Variants in MMACHC observed in about 807,000 individuals in gnomAD.
The protein encoded by MMACHC is metabolism of cobalamin associated C.
MMACHC carries 14 observed loss-of-function variants against 17.6 expected under a neutral mutation model. That is an observed-to-expected ratio of 0.80 (90% CI 0.53 to 1.25). The LOEUF is 1.25. Among genes scored for constraint, MMACHC ranks in the 50% most tolerant of loss-of-function variants. MMACHC has a pLI of 0.00. For missense variants in MMACHC, 392 were observed against 364.5 expected (o/e 1.08, Z -0.62); for synonymous variants, 151 against 142.1 (o/e 1.06, Z -0.45).
chr1:45,508,899 A>G lies in MMACHC; in HGVS notation c.533A>G (p.Lys178Arg). 1 of 1,614,130 alleles carries G rather than the reference A, an allele frequency of 6.2e-7. No individual in the cohort carries two copies. The highest frequency in any genetic ancestry group is 8.5e-7 in the Non-Finnish European group (1 of 1,180,024). ...GIEVPDLPPR[K>R]PHDCVPTRAD... The stretch of plus-strand genomic sequence containing the variant: ...GAGGTGCCAGATCTGCCACCCAGAA[A>G]ACCTCATGACTGTGTACCTACAAGA... Residue 178 changes from lysine (K) to arginine (R), a missense_variant, in exon 4 of 4, where the codon AAA becomes AGA. Transcript: ENST00000401061.
chr1:45,509,112 A>ACCT lies in MMACHC; in HGVS notation c.747_749dup (p.Leu250dup), dbSNP rs1203674426. The ACCT allele has an allele frequency of 6.2e-7, 1 of 1,612,032 alleles. No individual in the cohort carries two copies. Among genetic ancestry groups the ACCT allele is most frequent in the African/African-American group, 1.3e-5 (1 of 74,676 alleles). On this transcript the variant is annotated inframe_insertion, in exon 4 of 4. Coordinates refer to ENST00000401061, the MANE Select transcript of MMACHC (RefSeq NM_015506.3). ...GAGAAGCCTAGTTCTCCCTCCCCGG[A>ACCT]CCTTCCCTTTACCACACCCGCCCCC...
At chr1:45,504,580 C>G (rs1643588991) in intron 1 of MMACHC, among the ~76,000 whole-genome samples, 2 of 152,084 alleles carry the variant, frequency 1.3e-5, no homozygotes. Flanking sequence ...AATTAGCCAG[C>G]CAGGTGTGGT....
rs1371098932 is a variant in MMACHC at position 45,511,749 on chromosome 1, G to A, written c.*2534G>A. The A allele has an allele frequency of 5.5e-6, 1 of 183,378 alleles. No homozygotes were observed. The highest frequency in any genetic ancestry group is 2.4e-5 in the African/African-American group (1 of 42,474). 11.4% of individuals were successfully genotyped at this position (183,378 alleles called of 1,614,324 possible). On this transcript the variant is annotated 3_prime_UTR_variant, in exon 4 of 4. Coordinates refer to ENST00000401061, the MANE Select transcript of MMACHC (RefSeq NM_015506.3). ...AAATAAACGACACACATAGGACTAT[G>A]TAAACCCTTAACACTAAACTGTTTC...
intron 1 of MMACHC, 67 bp downstream of exon 1, chr1:45,500,480 GC>G (rs1218843115): frequency 7.5e-6 from 11 of 1,459,390 alleles, no homozygotes; most frequent in Non-Finnish European, 1.1e-5. Context: ...CTGGCGTGAG[GC>G]CTCGGGAGCC....
chr1:45,502,155 C>A (rs1311115186), intron 1 of MMACHC, among the ~76,000 whole-genome samples: 1 of 152,180 alleles, frequency 6.6e-6, no homozygotes, highest in Non-Finnish European at 1.5e-5. Context: ...TCTCTCCAGC[C>A]TTCTCTCCCT....
chr1:45,500,677 C>T (rs892416830), intron 1 of MMACHC, among the ~76,000 whole-genome samples: 1 of 152,014 alleles, frequency 6.6e-6, no homozygotes, highest in African/African-American at 2.4e-5. Context: ...CCAGCCTGGC[C>T]AACATGGTGA....
rs368225422 is a variant in MMACHC, at chr1:45,508,902, C to G, written c.536C>G (p.Pro179Arg). The G allele has an allele frequency of 2.5e-6, 4 of 1,614,210 alleles. No homozygotes were observed. The highest frequency in any genetic ancestry group is 3.4e-6 in the Non-Finnish European group (4 of 1,180,046). The stretch of plus-strand genomic sequence containing the variant: ...GTGCCAGATCTGCCACCCAGAAAAC[C>G]TCATGACTGTGTACCTACAAGAGCT... ...IEVPDLPPRK[P>R]HDCVPTRADR... is the part of the protein sequence containing the mutation. The change falls in exon 4 of 4, where the codon CCT (proline) becomes CGT (arginine). Residue 179 changes from proline to arginine, a missense_variant. By Grantham distance (103) the Pro-to-Arg change is moderately radical. Transcript: ENST00000401061.
At chr1:45,506,470 T>C (rs1049265044) in intron 1 of MMACHC, among the ~76,000 whole-genome samples, 23 of 151,972 alleles carry the variant, frequency 1.5e-4, no homozygotes, top group African/African-American at 5.6e-4. Context: ...GTTCCTGGGT[T>C]TTTAATTTTC....
Position 45,509,432 on chromosome 1 carries a change from T to A in MMACHC, c.*217T>A, listed in dbSNP as rs973151632. ...TTCAAATGAGTTTTTTTTTTTTTTT[T>A]AGACAGAGTCTTACTCTGTCACCTA... On this transcript the variant is annotated 3_prime_UTR_variant, in exon 4 of 4. Transcript: ENST00000401061. 7.4e-6 allele frequency: 4 copies of A among 539,962 alleles called. No homozygotes were observed. In the East Asian group the frequency reaches 1.1e-4, roughly 14 times the overall value. 33.4% of individuals were successfully genotyped at this position (539,962 alleles called of 1,614,324 possible). A position where few individuals can be genotyped will look rare whatever the true frequency, so the allele number is the denominator to read the frequency against.
Position 45,509,031 on chromosome 1 carries a change from A to G in MMACHC, c.665A>G (p.Tyr222Cys). 6.2e-7 allele frequency: 1 copy of G among 1,614,114 alleles called. No homozygotes were observed. Among genetic ancestry groups the G allele is most frequent in the African/African-American group, 1.3e-5 (1 of 75,036 alleles). ...QERYSEEQKA[Y>C]FSTPPAQRLA... ...CGCTACTCAGAAGAGCAGAAGGCCTACTTCTCCACTCCACCTGCCCAACGA... is the reference window on the plus strand; with the variant it reads ...CGCTACTCAGAAGAGCAGAAGGCCTGCTTCTCCACTCCACCTGCCCAACGA... Residue 222 changes from tyrosine (Y) to cysteine (C), a missense_variant, in exon 4 of 4, where the codon TAC becomes TGC. Tyr to Cys is a radical substitution (Grantham distance 194, BLOSUM62 -2). Transcript: ENST00000401061.
rs561610443 is a variant in MMACHC, at chr1:45,507,260, G to A, written c.82-96G>A. 2.0e-5 allele frequency: 23 copies of A among 1,164,328 alleles called. No individual in the cohort carries two copies. The East Asian group carries it at 5.1e-4, about 26-fold the overall frequency. 72.1% of individuals were successfully genotyped at this position (1,164,328 alleles called of 1,614,324 possible). ...AAATTCACTGAATGAGTGAGATGGA[G>A]GCTGGGGCAAAAGTGTGAGGCCTGA... On this transcript the variant is annotated intron_variant, in intron 1 of 3. Coordinates refer to ENST00000401061, the MANE Select transcript of MMACHC (RefSeq NM_015506.3).
rs202189863 is a variant in MMACHC at position 45,509,007 on chromosome 1, G to A, written c.641G>A (p.Arg214His). ...CGGGATGCTGTGACACCCCAGGAGC[G>A]CTACTCAGAAGAGCAGAAGGCCTAC... is the stretch of plus-strand genomic sequence containing the variant. ...TYRDAVTPQE[R>H]YSEEQKAYFS... Residue 214 changes from arginine (R) to histidine (H), a missense_variant, in exon 4 of 4, where the codon CGC becomes CAC. By Grantham distance (29) the Arg-to-His change is conservative. Coordinates refer to ENST00000401061, the MANE Select transcript of MMACHC (RefSeq NM_015506.3). The A allele has an allele frequency of 2.3e-4, 370 of 1,614,138 alleles. 1 individual carries two copies. Among genetic ancestry groups the A allele is most frequent in the Middle Eastern group, 1.3e-3 (8 of 6,062 alleles).
In MMACHC at chr1:45,509,313, A is replaced by G. The variant is rs1314153921; in HGVS notation, c.*98A>G. 2.2e-6 allele frequency: 3 copies of G among 1,383,382 alleles called. No individual in the cohort carries two copies. Among genetic ancestry groups the G allele is most frequent in the Non-Finnish European group, 3.1e-6 (3 of 979,890 alleles). The allele number at this position is 1,383,382 out of a possible 1,614,324, so 85.7% of individuals were successfully genotyped here. A position where few individuals can be genotyped will look rare whatever the true frequency, so the allele number is the denominator to read the frequency against. Reference sequence around the variant, plus strand: ...TTTGAGTACAAGATTACTATTTTTGATAATATAGTAGAGATCTTCCATGAA... The same window carrying G: ...TTTGAGTACAAGATTACTATTTTTGGTAATATAGTAGAGATCTTCCATGAA... On this transcript the variant is annotated 3_prime_UTR_variant, in exon 4 of 4. Transcript: ENST00000401061.
rs1262420296 is a variant in MMACHC, at chr1:45,511,131, A to G, written c.*1916A>G. The G allele has an allele frequency of 3.8e-6, 2 of 521,738 alleles. No homozygotes were observed. Among genetic ancestry groups the G allele is most frequent in the Non-Finnish European group, 6.8e-6 (2 of 295,310 alleles). The allele number at this position is 521,738 out of a possible 1,614,324, so 32.3% of individuals were successfully genotyped here. Reference sequence around the variant, plus strand: ...CATCATACAAACCAGTAGCCTGCCCACAACGCCAACTCAGGCCATTCCTAC... The same window carrying G: ...CATCATACAAACCAGTAGCCTGCCCGCAACGCCAACTCAGGCCATTCCTAC... On this transcript the variant is annotated 3_prime_UTR_variant, in exon 4 of 4. Coordinates refer to ENST00000401061, the MANE Select transcript of MMACHC (RefSeq NM_015506.3).
Position 45,511,300 on chromosome 1 carries a change from C to T in MMACHC, c.*2085C>T, listed in dbSNP as rs34284105. On this transcript the variant is annotated 3_prime_UTR_variant, in exon 4 of 4. Coordinates refer to ENST00000401061, the MANE Select transcript of MMACHC (RefSeq NM_015506.3). ...AGGTTTTGTTCTCATGGCTGCCCAC[C>T]GCAGCCTGGCACTAAAACAGCCCAG... The T allele has an allele frequency of 0.013, 19,971 of 1,547,964 alleles. 189 individuals are homozygous for T. The highest frequency in any genetic ancestry group is 0.015 in the Non-Finnish European group (16,876 of 1,136,494).
At position 45,511,003 on chromosome 1, in the gene MMACHC, A is replaced by G; in HGVS notation, c.*1788A>G. Reference sequence around the variant, plus strand: ...GGAAAGCAAGGAGTAAATTCCTCTTAAAATCAAAAGCTAATAATATGCTTC... The same window carrying G: ...GGAAAGCAAGGAGTAAATTCCTCTTGAAATCAAAAGCTAATAATATGCTTC... On this transcript the variant is annotated 3_prime_UTR_variant, in exon 4 of 4. Transcript: ENST00000401061. 1 of 193,054 alleles carries G rather than the reference A, an allele frequency of 5.2e-6. No individual in the cohort carries two copies. Among genetic ancestry groups the G allele is most frequent in the Middle Eastern group, 2.0e-3 (1 of 512 alleles). The allele number at this position is 193,054 out of a possible 1,614,324, so 12.0% of individuals were successfully genotyped here.
chr1:45,507,028 G>A (rs1184858714), intron 1 of MMACHC, among the ~76,000 whole-genome samples: 7 of 151,914 alleles, frequency 4.6e-5, no homozygotes, highest in Non-Finnish European at 7.4e-5. Context: ...CTAGCCAGGC[G>A]TGGTAGTGCA....
Position 45,513,361 on chromosome 1 carries a change from A to C in MMACHC, c.*4146A>C, listed in dbSNP as rs1310801641. ...AGAAGAGAGGAGTATGTATACTTTG[A>C]ATAAAAAGCCTTTATATTCTCCTTC... On this transcript the variant is annotated 3_prime_UTR_variant, in exon 4 of 4. Transcript: ENST00000401061. 1 of 152,196 alleles carries C rather than the reference A, an allele frequency of 6.6e-6. No individual in the cohort carries two copies. Among genetic ancestry groups the C allele is most frequent in the Non-Finnish European group, 1.5e-5 (1 of 68,060 alleles). 9.4% of individuals were successfully genotyped at this position (152,196 alleles called of 1,614,324 possible).
intron 1 of MMACHC, among the ~76,000 whole-genome samples, chr1:45,505,289 A>C (rs1377695523): frequency 1.3e-5 from 2 of 151,634 alleles, no homozygotes; most frequent in Admixed American, 1.3e-4. Context: ...TCTACTAAAA[A>C]ATACAAAAAT....
Sources: gnomAD v4.1 joint callset for allele counts (sites outside exome capture counted in the v4.1 genomes callset) on GRCh38, gnomAD v4.1.1 for gene constraint, MANE v1.5 for transcripts, NCBI Gene and HGNC (gene_info 2026-07-23, HGNC 2026-07-21) for gene names.